Variants in LOXL2 observed in about 807,000 individuals in gnomAD.
LOXL2 encodes the protein lysyl oxidase like 2.
In LOXL2, 70 loss-of-function variants were observed where a neutral mutation model predicts 93.0. The ratio of observed to expected loss-of-function variants is 0.75; its 90% CI spans 0.62 to 0.92. The LOEUF is 0.92. LOXL2 is among the 40% of genes least tolerant of loss of function. LOXL2 has a pLI of 0.00. For synonymous variants in LOXL2, 438 were observed against 413.2 expected (o/e 1.06, Z -0.73); for missense variants, 973 against 1,054.9 (o/e 0.92, Z 1.08).
chr8:23,371,489 A>G (rs1288766493), intron 1 of LOXL2, among the ~76,000 whole-genome samples: 3 of 152,150 alleles, frequency 2.0e-5, no homozygotes, highest in Non-Finnish European at 4.4e-5. Context: ...GCAGTGGCTC[A>G]CGCCTGTAAT....
rs1554483368 is a variant in LOXL2, at chr8:23,380,407, A to AAAAGC, written c.-83-11974_-83-11973insGCTTT. Among the ~76,000 whole-genome samples, 6 of 31,576 alleles carry AAAAGC rather than the reference A, an allele frequency of 1.9e-4. 1 individual carries two copies. Among genetic ancestry groups the AAAAGC allele is most frequent in the African/African-American group, 1.2e-3 (6 of 5,174 alleles). 20.7% of individuals were successfully genotyped at this position (31,576 alleles called of 152,430 possible). On this transcript the variant is annotated intron_variant, in intron 1 of 13. Transcript: ENST00000389131. ...ACTCCGTCTCAAAAAAAAAAAAAAA[A>AAAAGC]AAAAGACATCTTAATCTGTGGATTT...
intron 12 of LOXL2, among the ~76,000 whole-genome samples, chr8:23,300,395 C>T (rs1254524044): frequency 1.3e-5 from 2 of 152,142 alleles, no homozygotes; most frequent in Non-Finnish European, 2.9e-5. Flanking sequence ...GCCAGGAGGC[C>T]CCTTCACCCC....
intron 3 of LOXL2, among the ~76,000 whole-genome samples, chr8:23,353,327 T>C (rs1327723484): frequency 6.6e-6 from 1 of 152,206 alleles, no homozygotes; most frequent in African/African-American, 2.4e-5. Flanking sequence ...AAGAGATCTG[T>C]TCGTTTGGAG....
chr8:23,367,524 G>C (rs867086398), intron 2 of LOXL2, among the ~76,000 whole-genome samples: 1 of 152,012 alleles, frequency 6.6e-6, no homozygotes, highest in Non-Finnish European at 1.5e-5. Flanking sequence ...GGTGGGGGGC[G>C]TCAGGGAGCT....
chr8:23,392,872 G>A (rs1056259878), intron 1 of LOXL2, among the ~76,000 whole-genome samples: 4 of 152,070 alleles, frequency 2.6e-5, no homozygotes, highest in African/African-American at 7.2e-5. Flanking sequence ...AAGGTTACAG[G>A]ATACAATATC....
At chr8:23,318,331 A>G (rs1328602798) in intron 8 of LOXL2, among the ~76,000 whole-genome samples, 1 of 152,048 alleles carries the variant, frequency 6.6e-6, no homozygotes, top group African/African-American at 2.4e-5. Flanking sequence ...GGATGAGCCA[A>G]TTCCTTAAAA....
intron 1 of LOXL2, among the ~76,000 whole-genome samples, chr8:23,390,495 G>A (rs973152533): frequency 6.6e-6 from 1 of 152,062 alleles, no homozygotes; most frequent in African/African-American, 2.4e-5. Flanking sequence ...ATACAAAACT[G>A]CATTTTTTCC....
At chr8:23,343,693 C>T (rs1803923413) in intron 3 of LOXL2, among the ~76,000 whole-genome samples, 1 of 152,208 alleles carries the variant, frequency 6.6e-6, no homozygotes, top group South Asian at 2.1e-4. Context: ...GTTTCCTTTC[C>T]ACCACAGCAG....
intron 3 of LOXL2, among the ~76,000 whole-genome samples, chr8:23,355,429 C>G (rs1316969287): frequency 6.6e-6 from 1 of 150,818 alleles, no homozygotes; most frequent in Non-Finnish European, 1.5e-5. Context: ...GGATCCAGAA[C>G]TGAACCCTGC....
chr8:23,372,578 G>A (rs1804513128), intron 1 of LOXL2, among the ~76,000 whole-genome samples: 1 of 152,126 alleles, frequency 6.6e-6, no homozygotes, highest in Non-Finnish European at 1.5e-5. Context: ...GATGGAAACA[G>A]ATATACCATG....
chr8:23,319,139 G>A (rs966149695), intron 8 of LOXL2, among the ~76,000 whole-genome samples: 2 of 152,216 alleles, frequency 1.3e-5, no homozygotes, highest in East Asian at 3.9e-4. Context: ...GAGGTCTTGG[G>A]ATTATTCATT....
At position 23,351,473 on chromosome 8, in the gene LOXL2, C is replaced by T. The variant is rs567739381; in HGVS notation, c.531+8617G>A. 2.6e-5 allele frequency among the ~76,000 whole-genome samples: 4 copies of T among 152,350 alleles called. No homozygotes were observed. The South Asian group carries it at 8.3e-4, about 32-fold the overall frequency. On this transcript the variant is annotated intron_variant, in intron 3 of 13. Coordinates refer to ENST00000389131, the MANE Select transcript of LOXL2 (RefSeq NM_002318.3). The stretch of plus-strand genomic sequence containing the variant: ...CCAAACTGCCATGCCATTAAGCACC[C>T]AATCACATTCTTCAAAGTTTGAGTA...
At chr8:23,298,969 G>A (rs770862067) in intron 12 of LOXL2, 22 bp from the exon 13 acceptor site, 1 of 1,429,870 alleles carries the variant, frequency 7.0e-7, no homozygotes, top group Non-Finnish European at 9.9e-7. Flanking sequence ...CAGGGCAGAG[G>A]AGGCTGCTTG....
intron 9 of LOXL2, among the ~76,000 whole-genome samples, chr8:23,315,349 T>C (rs1181449466): frequency 3.3e-5 from 5 of 152,194 alleles, no homozygotes; most frequent in African/African-American, 2.4e-5. Flanking sequence ...AATTACTTTA[T>C]TTCCCTGAAT....
intron 1 of LOXL2, among the ~76,000 whole-genome samples, chr8:23,383,657 G>GT (rs968347697): frequency 0.066 from 1,474 of 22,244 alleles, 33 homozygotes; most frequent in East Asian, 0.19. Flanking sequence ...TTTTTTTTTT[G>GT]TTTTTTTTTT....
At chr8:23,365,693 T>G (rs1021509275) in intron 2 of LOXL2, 6 of 152,348 alleles carry the variant, frequency 3.9e-5, no homozygotes, top group African/African-American at 1.4e-4. Flanking sequence ...TGTCCCATGG[T>G]CATAGCTCAG....
Position 23,319,894 on chromosome 8 carries a change from G to A in LOXL2, c.1461C>T (p.Asn487=), listed in dbSNP as rs1302856136. The part of the protein sequence containing the change: ...CRQLGLGFAS[N]AFQETWYWHG... Reference sequence around the variant, plus strand: ...GGCCGGGGCTTCTCACCTGGAAGGCGTTGCTGGCGAATCCCAGGCCCAGCT... The same window carrying A: ...GGCCGGGGCTTCTCACCTGGAAGGCATTGCTGGCGAATCCCAGGCCCAGCT... Residue 487 remains asparagine (N), a synonymous_variant, in exon 8 of 14, where the codon AAC becomes AAT. Transcript: ENST00000389131. The A allele has an allele frequency of 3.7e-6, 6 of 1,613,418 alleles. No homozygotes were observed. Among genetic ancestry groups the A allele is most frequent in the South Asian group, 1.1e-5 (1 of 91,070 alleles).
chr8:23,386,714 C>T (rs1186413754), intron 1 of LOXL2, among the ~76,000 whole-genome samples: 1 of 152,062 alleles, frequency 6.6e-6, no homozygotes, highest in African/African-American at 2.4e-5. Flanking sequence ...GCATCTGCTC[C>T]AGTGAAGTCA....
At position 23,318,425 on chromosome 8, in the gene LOXL2, G is replaced by A. The variant is rs796521093; in HGVS notation, c.1471-1311C>T. On this transcript the variant is annotated intron_variant, in intron 8 of 13. Coordinates refer to ENST00000389131, the MANE Select transcript of LOXL2 (RefSeq NM_002318.3). ...CATTCATACATCCTATTGGTTGATA[G>A]CACACACACACACACACACACACAC... is the stretch of plus-strand genomic sequence containing the variant. Among the ~76,000 whole-genome samples, 492 of 145,848 alleles carry A rather than the reference G, an allele frequency of 3.4e-3. 5 individuals carry two copies. Among genetic ancestry groups the A allele is most frequent in the African/African-American group, 0.012 (477 of 38,210 alleles).
Sources: allele counts gnomAD v4.1 joint callset (sites outside exome capture counted in the v4.1 genomes callset), GRCh38; gene constraint gnomAD v4.1.1; transcripts MANE v1.5; gene names NCBI Gene and HGNC (gene_info 2026-07-23, HGNC 2026-07-21).